The following ADGRL3 variants were observed in gnomAD, a reference collection of about 807,000 sequenced individuals.
ADGRL3 encodes the protein adhesion G protein-coupled receptor L3, also known as calcium-independent alpha-latrotoxin receptor 3.
In ADGRL3, 62 loss-of-function variants were observed where a neutral mutation model predicts 153.5. That is an observed-to-expected ratio of 0.40 (90% CI 0.33 to 0.50). ADGRL3 has a LOEUF of 0.50. Among genes scored for constraint, ADGRL3 ranks in the 20% least tolerant of loss-of-function variants. The pLI, the probability that ADGRL3 is intolerant of heterozygous loss-of-function variation, is 0.47. For missense variants in ADGRL3, 1,641 were observed against 1,859.4 expected (o/e 0.88, Z 2.16); for synonymous variants, 710 against 672.5 (o/e 1.06, Z -0.86).
intron 6 of ADGRL3, among the ~76,000 whole-genome samples, chr4:61,726,210 G>GTTTTTTTTTTTTTTTTGTTTTT (rs149472429): frequency 1.7e-5 from 2 of 118,480 alleles, no homozygotes; most frequent in African/African-American, 6.3e-5. Flanking sequence ...TTTTTTTTTT[G>GTTTTTTTTTTTTTTTTGTTTTT]TTTTTTGAGA....
chr4:61,895,676 G>T, intron 10 of ADGRL3, 55 bp from the exon 11 acceptor site: 1 of 854,074 alleles, frequency 1.2e-6, no homozygotes, highest in East Asian at 2.8e-5. Flanking sequence ...AATATACCAT[G>T]GATGTGAAGT....
At chr4:61,672,662 A>G (rs1360976805) in intron 5 of ADGRL3, among the ~76,000 whole-genome samples, 1 of 152,068 alleles carries the variant, frequency 6.6e-6, no homozygotes, top group African/African-American at 2.4e-5. Flanking sequence ...TATGTTCAAA[A>G]AGACAAAAGA....
intron 11 of ADGRL3, among the ~76,000 whole-genome samples, chr4:61,907,268 A>T (rs2149786124): frequency 6.6e-6 from 1 of 151,942 alleles, no homozygotes; most frequent in African/African-American, 2.4e-5. Flanking sequence ...TTATTTAGTT[A>T]GTTAGTTTTT....
intron 9 of ADGRL3, among the ~76,000 whole-genome samples, chr4:61,834,520 C>G (rs554650561): frequency 6.6e-6 from 1 of 152,236 alleles, no homozygotes; most frequent in Admixed American, 6.5e-5. Context: ...TTCAAGATCC[C>G]TGAGGAATCG....
At chr4:61,478,110 C>T (rs1243822978) in intron 2 of ADGRL3, among the ~76,000 whole-genome samples, 1 of 151,850 alleles carries the variant, frequency 6.6e-6, no homozygotes, top group Non-Finnish European at 1.5e-5. Context: ...ATAATAATGA[C>T]TTTCATTTGG....
intron 6 of ADGRL3, among the ~76,000 whole-genome samples, chr4:61,712,279 G>A (rs1161547172): frequency 2.0e-5 from 3 of 152,032 alleles, no homozygotes; most frequent in African/African-American, 7.2e-5. Context: ...TGTAGTTCCA[G>A]CTACTTGAGA....
intron 17 of ADGRL3, among the ~76,000 whole-genome samples, chr4:61,972,723 C>T (rs2099033433): frequency 6.6e-6 from 1 of 152,070 alleles, no homozygotes; most frequent in Non-Finnish European, 1.5e-5. Flanking sequence ...ATGGGGATGG[C>T]ATTGAATCTA....
intron 2 of ADGRL3, among the ~76,000 whole-genome samples, chr4:61,411,869 A>T (rs1179672871): frequency 6.6e-6 from 1 of 152,178 alleles, no homozygotes; most frequent in Non-Finnish European, 1.5e-5. Flanking sequence ...TCACTTTGAA[A>T]ATTAAGCTAT....
chr4:61,883,679 G>A (rs571822269), intron 9 of ADGRL3, among the ~76,000 whole-genome samples: 1 of 152,188 alleles, frequency 6.6e-6, no homozygotes, highest in South Asian at 2.1e-4. Flanking sequence ...AATTCTAATA[G>A]TCTCATTATT....
chr4:61,214,065 C>T (rs1394949), intron 1 of ADGRL3, among the ~76,000 whole-genome samples: 151,284 of 152,292 alleles, frequency 0.99, 75,148 homozygotes, highest in Middle Eastern at 1. Context: ...ATGTATAGTT[C>T]TACTATGTAT....
intron 2 of ADGRL3, among the ~76,000 whole-genome samples, chr4:61,432,496 G>T (rs2152418703): frequency 6.6e-6 from 1 of 151,812 alleles, no homozygotes; most frequent in South Asian, 2.1e-4. Context: ...TAGGTATGAA[G>T]TTGCTAATTT....
rs867520669 is a variant in ADGRL3, at chr4:61,769,116, G to A, written c.1399+35562G>A. 1.6e-4 allele frequency among the ~76,000 whole-genome samples: 24 copies of A among 151,994 alleles called. 1 individual carries two copies. Among genetic ancestry groups the A allele is most frequent in the East Asian group, 7.8e-4 (4 of 5,144 alleles). On this transcript the variant is annotated intron_variant, in intron 8 of 26. Transcript: ENST00000683033. Reference sequence around the variant, plus strand: ...CTAAGGGTGAAGGACCAAGGCAGGCGTCCCTGCGTGGTCTGACACCCTTGA... The same window carrying A: ...CTAAGGGTGAAGGACCAAGGCAGGCATCCCTGCGTGGTCTGACACCCTTGA...
chr4:61,993,164 TTGTGTG>T (rs3065140), intron 19 of ADGRL3, among the ~76,000 whole-genome samples: 1,681 of 138,496 alleles, frequency 0.012, 40 homozygotes, highest in African/African-American at 0.043. Context: ...TGGGCTGCAG[TTGTGTG>T]TGTGTGTGTG....
chr4:61,243,460 GGCA>G (rs1755782245), intron 1 of ADGRL3, among the ~76,000 whole-genome samples: 2 of 151,902 alleles, frequency 1.3e-5, no homozygotes, highest in Admixed American at 1.3e-4. Context: ...TTCTCCCTTG[GGCA>G]GCAGCAACTG....
At chr4:61,403,316 T>C (rs978518222) in intron 2 of ADGRL3, among the ~76,000 whole-genome samples, 1 of 152,024 alleles carries the variant, frequency 6.6e-6, no homozygotes, top group African/African-American at 2.4e-5. Flanking sequence ...ATCAACCATG[T>C]GATTAGAAGG....
At chr4:61,231,694 T>G (rs1750724649) in intron 1 of ADGRL3, among the ~76,000 whole-genome samples, 1 of 152,092 alleles carries the variant, frequency 6.6e-6, no homozygotes, top group East Asian at 1.9e-4. Flanking sequence ...GTCTATTTAC[T>G]TGCTTTATTT....
At chr4:61,264,632 T>C (rs959404063) in intron 1 of ADGRL3, among the ~76,000 whole-genome samples, 7 of 151,968 alleles carry the variant, frequency 4.6e-5, no homozygotes, top group African/African-American at 1.7e-4. Flanking sequence ...ATTGTTAATT[T>C]ATAATGGTAA....
chr4:61,279,647 T>G (rs957249554), intron 1 of ADGRL3, among the ~76,000 whole-genome samples: 20 of 152,206 alleles, frequency 1.3e-4, no homozygotes, highest in African/African-American at 4.6e-4. Context: ...TTTACCATGT[T>G]TCTTCATGGA....
intron 17 of ADGRL3, among the ~76,000 whole-genome samples, chr4:61,954,156 T>C (rs2098957637): frequency 6.6e-6 from 1 of 152,124 alleles, no homozygotes; most frequent in African/African-American, 2.4e-5. Flanking sequence ...TATTCTCTCA[T>C]CTAAGTCTTC....
Sources: gnomAD v4.1 joint callset for allele counts (sites outside exome capture counted in the v4.1 genomes callset) on GRCh38, gnomAD v4.1.1 for gene constraint, MANE v1.5 for transcripts, NCBI Gene and HGNC (gene_info 2026-07-23, HGNC 2026-07-21) for gene names.